Variants in ROBO2 observed in about 807,000 individuals in gnomAD.
The protein encoded by ROBO2 is roundabout homolog 2.
Under a neutral mutation model 160.8 loss-of-function variants are expected in ROBO2, and 53 were observed. The observed-to-expected ratio is 0.33, with a 90% CI of 0.26 to 0.41. ROBO2 has a LOEUF of 0.41. Ranked by LOEUF, ROBO2 falls within the 10% of genes least tolerant of loss-of-function variation. The probability of loss-of-function intolerance (pLI) is 1.00; values close to 1 mark genes in which losing one functional copy is unlikely to be tolerated. For synonymous variants in ROBO2, 664 were observed against 611.7 expected (o/e 1.09, Z -1.26); for missense variants, 1,577 against 1,722.4 (o/e 0.92, Z 1.49).
rs1046369645 is a variant in ROBO2, at chr3:76,813,390, A to G, written c.110-284624A>G. 2.0e-5 allele frequency among the ~76,000 whole-genome samples: 3 copies of G among 152,070 alleles called. 1 individual carries two copies. The highest frequency in any genetic ancestry group is 1.3e-4 in the Admixed American group (2 of 15,228). On this transcript the variant is annotated intron_variant, in intron 2 of 26. Coordinates refer to the ROBO2 transcript ENST00000487694. ...CTTTAATCATCAGATAATTTTGTCT[A>G]TAATTGTTTTGCCCATCGTTTTTGT...
chr3:76,759,880 C>T (rs573859909), intron 2 of ROBO2, among the ~76,000 whole-genome samples: 77 of 151,908 alleles, frequency 5.1e-4, no homozygotes, highest in African/African-American at 1.8e-3. Context: ...CTCCGCGATT[C>T]TCTTCACTTA....
intron 2 of ROBO2, among the ~76,000 whole-genome samples, chr3:77,328,916 A>G (rs949877016): frequency 6.6e-6 from 1 of 152,196 alleles, no homozygotes; most frequent in Admixed American, 6.6e-5. Flanking sequence ...TGTTTTCATA[A>G]ACTGCTGAAA....
At chr3:76,241,812 T>G (rs192375211) in intron 2 of ROBO2, among the ~76,000 whole-genome samples, 1 of 152,312 alleles carries the variant, frequency 6.6e-6, no homozygotes, top group African/African-American at 2.4e-5. Flanking sequence ...ACTGTCTGAA[T>G]GATAGGAAAT....
rs1583495978 is a variant in ROBO2, at chr3:77,646,248, C to A, written c.*193C>A. 7.1e-6 allele frequency: 3 copies of A among 424,518 alleles called. No individual in the cohort carries two copies. The East Asian group carries it at 1.1e-4, about 15-fold the overall frequency. 26.3% of individuals were successfully genotyped at this position (424,518 alleles called of 1,614,324 possible). A position where few individuals can be genotyped will look rare whatever the true frequency, so the allele number is the denominator to read the frequency against. ...GTGTTCTTCTCTTAAGTACACCACC[C>A]ACCTTAACTCTTTCTTGTCAGGAGT... On this transcript the variant is annotated 3_prime_UTR_variant, in exon 26 of 26. Transcript: ENST00000461745.
At chr3:77,596,586 G>C in intron 18 of ROBO2, 37 bp from the exon 20 acceptor site, 1 of 1,613,110 alleles carries the variant, frequency 6.2e-7, no homozygotes, top group Non-Finnish European at 8.5e-7. Context: ...CTTGCATTGA[G>C]CTCCATGTGT....
At position 77,156,353 on chromosome 3, in the gene ROBO2, G is replaced by A. The variant is rs114254798; in HGVS notation, c.388+58013G>A. Reference sequence around the variant, plus strand: ...TTTATTTATGCATATGAATCATTTTGTATTTTTCATAATTAAATTGATGTC... The same window carrying A: ...TTTATTTATGCATATGAATCATTTTATATTTTTCATAATTAAATTGATGTC... On this transcript the variant is annotated intron_variant, in intron 2 of 25. Coordinates refer to ENST00000461745, the Ensembl canonical transcript of ROBO2. Among the ~76,000 whole-genome samples the A allele has an allele frequency of 7.9e-3, 1,208 of 152,044 alleles. 17 individuals carry two copies. Among genetic ancestry groups the A allele is most frequent in the African/African-American group, 0.028 (1,151 of 41,506 alleles).
chr3:76,894,990 T>G (rs2074656024), intron 2 of ROBO2, among the ~76,000 whole-genome samples: 1 of 152,146 alleles, frequency 6.6e-6, no homozygotes. Context: ...GTGTTAACTA[T>G]TTTAACATTG....
intron 2 of ROBO2, among the ~76,000 whole-genome samples, chr3:76,982,168 A>G (rs888514430): frequency 1.3e-5 from 2 of 152,206 alleles, no homozygotes; most frequent in African/African-American, 4.8e-5. Flanking sequence ...ATTCAAGCTC[A>G]TTAAGATTTA....
At chr3:77,478,538 A>C (rs1487761082) in intron 3 of ROBO2, among the ~76,000 whole-genome samples, 1 of 152,208 alleles carries the variant, frequency 6.6e-6, no homozygotes, top group Non-Finnish European at 1.5e-5. Context: ...CAGAGGATCC[A>C]CGCAACATTT....
At chr3:77,218,136 T>C (rs2085227173) in intron 2 of ROBO2, among the ~76,000 whole-genome samples, 1 of 152,202 alleles carries the variant, frequency 6.6e-6, no homozygotes, top group Non-Finnish European at 1.5e-5. Flanking sequence ...TTGTAGGGTC[T>C]AATCATCATG....
At chr3:77,310,613 A>G (rs72897205) in intron 2 of ROBO2, among the ~76,000 whole-genome samples, 6 of 152,068 alleles carry the variant, frequency 3.9e-5, no homozygotes, top group Admixed American at 6.6e-5. Context: ...AAAATTGTGC[A>G]TTTCTTCCCA....
At chr3:77,225,538 C>A (rs566447717) in intron 2 of ROBO2, among the ~76,000 whole-genome samples, 1 of 151,906 alleles carries the variant, frequency 6.6e-6, no homozygotes, top group South Asian at 2.1e-4. Flanking sequence ...AATGTACCTG[C>A]AGCCGTGCAT....
intron 2 of ROBO2, among the ~76,000 whole-genome samples, chr3:76,077,821 A>C (rs2068690974): frequency 6.6e-6 from 1 of 152,232 alleles, no homozygotes; most frequent in Admixed American, 6.5e-5. Flanking sequence ...GGAAAGAATC[A>C]GCAAAGTGAG....
intron 1 of ROBO2, among the ~76,000 whole-genome samples, chr3:75,907,382 C>A (rs1437546480): frequency 1.3e-5 from 2 of 152,020 alleles, no homozygotes; most frequent in Non-Finnish European, 2.9e-5. Context: ...GACGGGGCAA[C>A]CTTGGTCTCT....
At chr3:77,351,531 A>AT (rs1227596986) in intron 2 of ROBO2, among the ~76,000 whole-genome samples, 1 of 152,148 alleles carries the variant, frequency 6.6e-6, no homozygotes, top group Non-Finnish European at 1.5e-5. Context: ...AAAAACTGAG[A>AT]TAAAGGGTTC....
At chr3:77,487,153 C>T (rs1480440123) in intron 4 of ROBO2, among the ~76,000 whole-genome samples, 1 of 152,012 alleles carries the variant, frequency 6.6e-6, no homozygotes, top group African/African-American at 2.4e-5. Flanking sequence ...CCTTAGGACC[C>T]ACACCTTAAG....
intron 2 of ROBO2, among the ~76,000 whole-genome samples, chr3:77,137,236 T>C (rs1263670626): frequency 6.6e-6 from 1 of 151,902 alleles, no homozygotes; most frequent in Non-Finnish European, 1.5e-5. Context: ...TGATGATTAT[T>C]TTTTTTTGAG....
At chr3:77,185,855 G>GGAAT (rs1371012892) in intron 2 of ROBO2, among the ~76,000 whole-genome samples, 1 of 151,794 alleles carries the variant, frequency 6.6e-6, no homozygotes, top group Non-Finnish European at 1.5e-5. Context: ...GCCATAAAAA[G>GGAAT]GAATGAATTA....
chr3:77,040,946 A>C, intron 1 of ROBO2, 100 bp downstream of exon 1: 2 of 1,495,490 alleles, frequency 1.3e-6, no homozygotes, highest in Non-Finnish European at 1.9e-6. Context: ...ATGAAATGAC[A>C]TTATGTCTGT....
Sources: allele counts gnomAD v4.1 joint callset (sites outside exome capture counted in the v4.1 genomes callset), GRCh38; gene constraint gnomAD v4.1.1; transcripts MANE v1.5; gene names NCBI Gene and HGNC (gene_info 2026-07-23, HGNC 2026-07-21).